FHIT: variants seen among roughly 807,000 people sequenced by gnomAD.
FHIT encodes the protein fragile histidine triad diadenosine triphosphatase.
Under a neutral mutation model 17.9 loss-of-function variants are expected in FHIT, and 19 were observed. The ratio of observed to expected loss-of-function variants is 1.06; its 90% CI spans 0.74 to 1.56. The LOEUF (loss-of-function observed/expected upper bound fraction) is 1.56, where lower values mean the gene tolerates loss of function less well. FHIT is among the 40% of genes most tolerant of loss of function. The pLI, the probability that FHIT is intolerant of heterozygous loss-of-function variation, is 0.00. For missense variants in FHIT, 248 were observed against 189.2 expected, an observed-to-expected ratio of 1.31 and a Z score of -1.82; for synonymous variants, 81 against 69.7, an observed-to-expected ratio of 1.16 and a Z score of -0.81.
chr3:60,887,286 TTTG>T (rs2107155124), intron 3 of FHIT, among the ~76,000 whole-genome samples: 1 of 152,320 alleles, frequency 6.6e-6, no homozygotes, highest in East Asian at 1.9e-4. Flanking sequence ...TTTGTTTTGT[TTTG>T]TTTTTTACAT....
At chr3:59,979,429 T>G (rs1708553360) in intron 7 of FHIT, among the ~76,000 whole-genome samples, 1 of 152,172 alleles carries the variant, frequency 6.6e-6, no homozygotes, top group African/African-American at 2.4e-5. Context: ...TAGTTGGGAA[T>G]GTCTAGAGTG....
chr3:60,251,395 C>A (rs189594284), intron 5 of FHIT, among the ~76,000 whole-genome samples: 1 of 152,018 alleles, frequency 6.6e-6, no homozygotes, highest in East Asian at 1.9e-4. Flanking sequence ...ATGCAAGCAC[C>A]CAACCACCCT....
intron 3 of FHIT, among the ~76,000 whole-genome samples, chr3:60,850,305 G>A (rs1207259803): frequency 6.7e-6 from 1 of 148,786 alleles, no homozygotes; most frequent in African/African-American, 2.5e-5. Flanking sequence ...TTCCATGTTA[G>A]GGCCTTTGTG....
At chr3:60,363,081 G>T (rs1266855439) in intron 5 of FHIT, among the ~76,000 whole-genome samples, 1 of 152,094 alleles carries the variant, frequency 6.6e-6, no homozygotes, top group Non-Finnish European at 1.5e-5. Context: ...AAAGTTTCCA[G>T]GGAAGAAAAA....
chr3:61,150,834 T>A (rs1234135727), intron 2 of FHIT, among the ~76,000 whole-genome samples: 1 of 152,136 alleles, frequency 6.6e-6, no homozygotes, highest in Non-Finnish European at 1.5e-5. Flanking sequence ...TAGTTTGCAT[T>A]CTTATCTGTC....
chr3:60,683,510 A>T (rs1553697477), intron 4 of FHIT, among the ~76,000 whole-genome samples: 2 of 121,388 alleles, frequency 1.6e-5, no homozygotes, highest in South Asian at 3.3e-4. Context: ...AGCAAAAAAA[A>T]TTTTTAAATT....
chr3:59,790,532 G>C (rs376201600), intron 8 of FHIT, among the ~76,000 whole-genome samples: 6,684 of 150,468 alleles, frequency 0.044, 184 homozygotes, highest in Middle Eastern at 0.075. Flanking sequence ...CTCTCTCTGT[G>C]TGTGTGTGTG....
intron 5 of FHIT, among the ~76,000 whole-genome samples, chr3:60,228,405 G>T (rs1191783805): frequency 6.6e-6 from 1 of 152,092 alleles, no homozygotes; most frequent in Admixed American, 6.6e-5. Flanking sequence ...AGTTATGATT[G>T]TATGACCTTG....
chr3:60,029,215 T>C (rs1700878109), intron 5 of FHIT, among the ~76,000 whole-genome samples: 1 of 152,216 alleles, frequency 6.6e-6, no homozygotes, highest in African/African-American at 2.4e-5. Flanking sequence ...TTAAAGGTCA[T>C]AGAACAGTCA....
intron 3 of FHIT, among the ~76,000 whole-genome samples, chr3:60,983,428 C>T (rs1331527460): frequency 6.6e-6 from 1 of 152,086 alleles, no homozygotes; most frequent in East Asian, 1.9e-4. Context: ...ATGACAGCTC[C>T]TTTGGACAAT....
At chr3:60,944,623 T>G (rs1553775336) in intron 3 of FHIT, among the ~76,000 whole-genome samples, 1 of 152,250 alleles carries the variant, frequency 6.6e-6, no homozygotes, top group Admixed American at 6.5e-5. Context: ...AGTAATGGTC[T>G]ATTTTAATTG....
chr3:60,553,886 G>C (rs1452898927), intron 4 of FHIT, among the ~76,000 whole-genome samples: 2 of 152,010 alleles, frequency 1.3e-5, no homozygotes, highest in Non-Finnish European at 2.9e-5. Flanking sequence ...AGGAGTTTGA[G>C]ACCAGCCTGG....
At chr3:60,415,249 T>A (rs1702204522) in intron 5 of FHIT, among the ~76,000 whole-genome samples, 1 of 152,156 alleles carries the variant, frequency 6.6e-6, no homozygotes, top group Non-Finnish European at 1.5e-5. Flanking sequence ...AGTACTCCCT[T>A]TAGTTTTTAA....
At chr3:60,073,175 A>G (rs932359289) in intron 5 of FHIT, among the ~76,000 whole-genome samples, 7 of 152,168 alleles carry the variant, frequency 4.6e-5, no homozygotes, top group African/African-American at 1.7e-4. Flanking sequence ...CATACAGGTA[A>G]ATATTGTGCC....
intron 2 of FHIT, among the ~76,000 whole-genome samples, chr3:61,168,587 A>G (rs2037908362): frequency 6.6e-6 from 1 of 152,146 alleles, no homozygotes; most frequent in South Asian, 2.1e-4. Flanking sequence ...CTGTGTTCCC[A>G]CCAGCACTCT....
At chr3:60,815,066 G>A (rs1286444613) in intron 4 of FHIT, among the ~76,000 whole-genome samples, 9 of 151,740 alleles carry the variant, frequency 5.9e-5, no homozygotes, top group Admixed American at 5.3e-4. Flanking sequence ...TTCTGTTCAT[G>A]TCTTTTGCCC....
chr3:60,375,840 G>C (rs1384456803), intron 5 of FHIT, among the ~76,000 whole-genome samples: 4 of 152,052 alleles, frequency 2.6e-5, no homozygotes, highest in Non-Finnish European at 5.9e-5. Flanking sequence ...CTGTCAAACA[G>C]AGCTCTCTAC....
intron 8 of FHIT, among the ~76,000 whole-genome samples, chr3:59,824,432 G>A (rs1700905689): frequency 6.6e-6 from 1 of 152,212 alleles, no homozygotes; most frequent in African/African-American, 2.4e-5. Flanking sequence ...TAGGTGTCCA[G>A]CATAATACCT....
At chr3:60,015,906 T>C (rs1451650634) in intron 5 of FHIT, among the ~76,000 whole-genome samples, 6 of 152,238 alleles carry the variant, frequency 3.9e-5, no homozygotes, top group African/African-American at 9.6e-5. Flanking sequence ...TGTTTGCATG[T>C]TGCTCCTAGA....
Sources: allele counts gnomAD v4.1 joint callset (sites outside exome capture counted in the v4.1 genomes callset), GRCh38; gene constraint gnomAD v4.1.1; transcripts MANE v1.5; gene names NCBI Gene and HGNC (gene_info 2026-07-23, HGNC 2026-07-21).